BFSP1: variants seen among roughly 807,000 people sequenced by gnomAD.
BFSP1 encodes filensin.
BFSP1 carries 38 observed loss-of-function variants against 43.9 expected under a neutral mutation model. That is an observed-to-expected ratio of 0.87 (90% CI 0.67 to 1.14). BFSP1 has a LOEUF of 1.14. Ranked by LOEUF, BFSP1 falls within the 50% of genes most tolerant of loss-of-function variation. The probability of loss-of-function intolerance (pLI) is 0.00; values close to 1 mark genes in which losing one functional copy is unlikely to be tolerated. For synonymous variants in BFSP1, 352 were observed against 354.8 expected (o/e 0.99, Z 0.09); for missense variants, 850 against 875.1 (o/e 0.97, Z 0.36).
intron 5 of BFSP1, among the ~76,000 whole-genome samples, chr20:17,502,242 A>T (rs1298365175): frequency 6.6e-6 from 1 of 152,178 alleles, no homozygotes; most frequent in Non-Finnish European, 1.5e-5. Context: ...CCAAGTGATC[A>T]GAGTTATTGT....
chr20:17,531,342 G>T lies in BFSP1; in HGVS notation c.-13C>A. 1 of 1,375,034 alleles carries T rather than the reference G, an allele frequency of 7.3e-7. No homozygotes were observed. The allele number at this position is 1,375,034 out of a possible 1,614,324, so 85.2% of individuals were successfully genotyped here. ...TGCGCCGGTACATGGCTGCTCTGGC[G>T]CGGGCGCGCGGGCGGCGCCGAGCCG... On this transcript the variant is annotated 5_prime_UTR_variant, in exon 1 of 8. Coordinates refer to ENST00000377873, the MANE Select transcript of BFSP1 (RefSeq NM_001195.5).
At chr20:17,514,850 C>T in intron 2 of BFSP1, 34 bp from the exon 3 acceptor site, 1 of 1,593,802 alleles carries the variant, frequency 6.3e-7, no homozygotes, top group Non-Finnish European at 8.6e-7. Context: ...TGGCCACAGG[C>T]ACCATGGAGC....
At chr20:17,503,926 T>C (rs775424023) in intron 5 of BFSP1, among the ~76,000 whole-genome samples, 4 of 152,174 alleles carry the variant, frequency 2.6e-5, no homozygotes, top group Admixed American at 6.5e-5. Flanking sequence ...CATCACAGAA[T>C]GGGAAATGAG....
In BFSP1 at chr20:17,536,873, G is replaced by A. The variant is rs901989841; in HGVS notation, c.3-11965C>T. Among the ~76,000 whole-genome samples the A allele has an allele frequency of 4.6e-5, 7 of 152,166 alleles. No individual in the cohort carries two copies. The East Asian group carries it at 9.6e-4, about 21-fold the overall frequency. ...TGGACTTAAGCTAAAGAATATCTAA[G>A]GTTCCTTTCTGCTTATTATGAGCAG... On this transcript the variant is annotated intron_variant, in intron 1 of 7. Coordinates refer to the BFSP1 transcript ENST00000377868.
chr20:17,526,125 G>GT (rs201625297), intron 1 of BFSP1, among the ~76,000 whole-genome samples: 2,790 of 75,412 alleles, frequency 0.037, 163 homozygotes, highest in African/African-American at 0.11. Flanking sequence ...CACTTTTTCT[G>GT]TTTTTTTCTG....
In BFSP1 at chr20:17,507,560, GCA is replaced by G. The variant is rs1334728489; in HGVS notation, c.735+1327_735+1328del. On this transcript the variant is annotated intron_variant, in intron 5 of 7. Transcript: ENST00000377873. The surrounding 1 kb of genome is among the most constrained non-coding windows in gnomAD (Gnocchi z 4.4). The stretch of plus-strand genomic sequence containing the variant: ...ATCCACGTCCCTATTCACATACACA[GCA>G]CACACACATACACATGACACACACA... Among the ~76,000 whole-genome samples the G allele has an allele frequency of 1.3e-5, 2 of 151,532 alleles. No homozygotes were observed. The highest frequency in any genetic ancestry group is 4.9e-5 in the African/African-American group (2 of 41,190).
chr20:17,564,678 T>C lies in BFSP1; in HGVS notation n.51-1583A>G, dbSNP rs375634381. Among the ~76,000 whole-genome samples, 48 of 152,118 alleles carry C rather than the reference T, an allele frequency of 3.2e-4. 1 individual carries two copies. Among genetic ancestry groups the C allele is most frequent in the Admixed American group, 2.3e-3 (35 of 15,268 alleles). ...ATCTTCGCTCACTGCAACCTCCGCC[T>C]CCCGGGTTCAAGCGATTCTCCTGAC... On this transcript the variant is annotated intron_variant and non_coding_transcript_variant, in intron 1 of 6. Coordinates refer to the BFSP1 transcript ENST00000473415.
At chr20:17,552,422 C>T (rs1045449847) in intron 1 of BFSP1, among the ~76,000 whole-genome samples, 10 of 152,138 alleles carry the variant, frequency 6.6e-5, no homozygotes, top group African/African-American at 1.4e-4. Context: ...ACAGATCCCA[C>T]GGGATTTCTA....
intron 1 of BFSP1, chr20:17,565,475 AAATG>A (rs2035108370): frequency 6.6e-6 from 1 of 152,254 alleles, no homozygotes; most frequent in South Asian, 2.1e-4. Flanking sequence ...GGGAAAAGTT[AAATG>A]AATGAACAGT....
intron 1 of BFSP1, among the ~76,000 whole-genome samples, chr20:17,564,739 C>G (rs1333605580): frequency 6.6e-6 from 1 of 152,042 alleles, no homozygotes; most frequent in Non-Finnish European, 1.5e-5. Flanking sequence ...TAGGCACCCA[C>G]TACCGCGTCC....
intron 1 of BFSP1, among the ~76,000 whole-genome samples, chr20:17,553,870 T>TAC (rs1555805842): frequency 2.6e-5 from 2 of 78,136 alleles, no homozygotes; most frequent in African/African-American, 8.6e-5. Context: ...CACATATATA[T>TAC]ACATATATAT....
intron 2 of BFSP1, among the ~76,000 whole-genome samples, chr20:17,521,372 C>A (rs2034316063): frequency 6.6e-6 from 1 of 152,190 alleles, no homozygotes; most frequent in South Asian, 2.1e-4. Context: ...TTTGTGAAGG[C>A]AGGGGCCATC....
intron 1 of BFSP1, among the ~76,000 whole-genome samples, chr20:17,543,906 T>TA (rs2034760500): frequency 6.6e-6 from 1 of 152,270 alleles, no homozygotes; most frequent in South Asian, 2.1e-4. Flanking sequence ...CTGGACGTGA[T>TA]AGAAGTTCCC....
At chr20:17,524,790 A>G in intron 2 of BFSP1, 58 bp downstream of exon 2, 1 of 1,563,302 alleles carries the variant, frequency 6.4e-7, no homozygotes. Context: ...CTGCACTTCC[A>G]CCATTCCATT....
At chr20:17,560,262 C>G (rs549302133), upstream of BFSP1, 1 of 152,314 alleles carries the variant, frequency 6.6e-6, no homozygotes, top group East Asian at 1.9e-4. Flanking sequence ...TTCTCTTCCT[C>G]CAAATATCCA....
At chr20:17,498,315 GAGA>G (rs2033705382) in intron 6 of BFSP1, among the ~76,000 whole-genome samples, 1 of 152,170 alleles carries the variant, frequency 6.6e-6, no homozygotes, top group African/African-American at 2.4e-5. Flanking sequence ...CTCCATTATG[GAGA>G]AGACCAGACA....
intron 1 of BFSP1, among the ~76,000 whole-genome samples, chr20:17,542,031 C>T (rs1023701401): frequency 6.6e-6 from 1 of 152,150 alleles, no homozygotes. Context: ...AACTGATGTC[C>T]TCGTAACCTC....
chr20:17,505,647 A>T (rs4052812), intron 5 of BFSP1, among the ~76,000 whole-genome samples: 59,038 of 152,160 alleles, frequency 0.39, 12,688 homozygotes, highest in South Asian at 0.52. Flanking sequence ...GCAAAAACCC[A>T]GCCACAAACA....
chr20:17,527,506 T>C (rs1471262097), intron 1 of BFSP1, among the ~76,000 whole-genome samples: 1 of 152,114 alleles, frequency 6.6e-6, no homozygotes. Context: ...GGCGGGCAGA[T>C]CACGAGGTCA....
Sources: gnomAD v4.1 joint callset for allele counts (sites outside exome capture counted in the v4.1 genomes callset) on GRCh38, gnomAD v4.1.1 for gene constraint, Gnocchi (gnomAD v3.1) non-coding constraint, MANE v1.5 for transcripts, NCBI Gene and HGNC (gene_info 2026-07-23, HGNC 2026-07-21) for gene names.